Variants in CCDC175 observed in about 807,000 individuals in gnomAD.
CCDC175 encodes coiled-coil domain containing 175.
In CCDC175, 100 loss-of-function variants were observed where a neutral mutation model predicts 114.6. The observed-to-expected ratio is 0.87, with a 90% CI of 0.74 to 1.03. The LOEUF is 1.03. Ranked by LOEUF, CCDC175 falls within the 50% of genes least tolerant of loss-of-function variation. CCDC175 has a pLI of 0.00. For missense variants in CCDC175, 880 were observed against 917.8 expected, an observed-to-expected ratio of 0.96 and a Z score of 0.53; for synonymous variants, 306 against 308.7, an observed-to-expected ratio of 0.99 and a Z score of 0.09.
chr14:59,541,365 A>G (rs1022907932), intron 10 of CCDC175, among the ~76,000 whole-genome samples: 3 of 152,214 alleles, frequency 2.0e-5, no homozygotes, highest in African/African-American at 7.2e-5. Context: ...GAAGATTCCA[A>G]CATAGGTAAC....
intron 8 of CCDC175, among the ~76,000 whole-genome samples, chr14:59,550,007 T>A (rs532433399): frequency 6.6e-6 from 1 of 152,096 alleles, no homozygotes; most frequent in South Asian, 2.1e-4. Flanking sequence ...GTCTCCCAGG[T>A]TCAAGCAATT....
At chr14:59,546,618 T>C (rs1895128257) in intron 8 of CCDC175, among the ~76,000 whole-genome samples, 1 of 152,110 alleles carries the variant, frequency 6.6e-6, no homozygotes, top group African/African-American at 2.4e-5. Flanking sequence ...AGTTTTGGGT[T>C]TTTTTGCATG....
chr14:59,524,178 GT>G (rs1893603974), intron 16 of CCDC175, among the ~76,000 whole-genome samples: 1 of 151,936 alleles, frequency 6.6e-6, no homozygotes, highest in South Asian at 2.1e-4. Context: ...TGTTGTTACT[GT>G]TTTGTCACAG....
chr14:59,514,234 CTG>C (rs1341882886), intron 17 of CCDC175, among the ~76,000 whole-genome samples: 1 of 152,198 alleles, frequency 6.6e-6, no homozygotes, highest in African/African-American at 2.4e-5. Context: ...AGCAGAAAAA[CTG>C]GAAATTCTAA....
chr14:59,553,406 G>A (rs1279086807), intron 7 of CCDC175, among the ~76,000 whole-genome samples: 1 of 152,142 alleles, frequency 6.6e-6, no homozygotes, highest in East Asian at 1.9e-4. Context: ...TTACAGACAA[G>A]CAAATGATGA....
In CCDC175 at chr14:59,538,138, T is replaced by C. The variant is rs1287110436; in HGVS notation, c.1508A>G (p.Gln503Arg). The C allele has an allele frequency of 6.5e-7, 1 of 1,534,940 alleles. No homozygotes were observed. Among genetic ancestry groups the C allele is most frequent in the South Asian group, 1.2e-5 (1 of 83,914 alleles). The change falls in exon 13 of 20, where the codon CAG becomes CGG. Residue 503 changes from glutamine (Q) to arginine (R), a missense_variant. Physicochemically the swap from Gln to Arg is conservative, Grantham distance 43. Transcript: ENST00000537690. ...ELLNETSFRQ[Q>R]EISGFVAQIE... is the part of the protein sequence containing the mutation. The stretch of plus-strand genomic sequence containing the variant: ...CTGTGCCACAAATCCACTGATCTCC[T>C]GTTGTCTGAAACTGGTCTAATTAGA...
intron 8 of CCDC175, among the ~76,000 whole-genome samples, chr14:59,546,760 T>C (rs111407512): frequency 0.012 from 1,900 of 152,132 alleles, 33 homozygotes; most frequent in African/African-American, 0.044. Context: ...TGCTTGAGAC[T>C]GGGAGGTCCG....
intron 13 of CCDC175, among the ~76,000 whole-genome samples, chr14:59,534,172 A>G (rs1367484037): frequency 6.6e-6 from 1 of 151,974 alleles, no homozygotes; most frequent in East Asian, 1.9e-4. Context: ...TCTGAAAGAG[A>G]CTGTGGGGTA....
intron 7 of CCDC175, 54 bp from the exon 8 acceptor site, chr14:59,551,490 A>T (rs1490986708): frequency 9.5e-6 from 9 of 951,784 alleles, no homozygotes; most frequent in African/African-American, 1.7e-5. Flanking sequence ...TTTGAATTCT[A>T]AGGCAAGGTG....
chr14:59,522,341 G>A (rs1310711703), intron 16 of CCDC175, among the ~76,000 whole-genome samples: 1 of 152,204 alleles, frequency 6.6e-6, no homozygotes, highest in African/African-American at 2.4e-5. Flanking sequence ...TACAGATGAG[G>A]TAGACATGGG....
At chr14:59,558,769 G>A (rs1896063964) in intron 7 of CCDC175, among the ~76,000 whole-genome samples, 1 of 152,134 alleles carries the variant, frequency 6.6e-6, no homozygotes, top group Non-Finnish European at 1.5e-5. Context: ...TGCATTTAGA[G>A]CTCAAGTCAT....
chr14:59,538,815 A>G lies in CCDC175; in HGVS notation c.1381T>C (p.Cys461Arg), dbSNP rs1173007244. The stretch of plus-strand genomic sequence containing the variant: ...CAACGTGCATGCTTTTTTCTCAAGC[A>G]AGCCATTTTCCACTGAGTTATAACA... ...RCVITQWKMA[C>R]LRKKHARWTA... Residue 461 changes from cysteine to arginine, a missense_variant, in exon 12 of 20, where the codon TGC becomes CGC. Transcript: ENST00000537690. 6.5e-7 allele frequency: 1 copy of G among 1,536,938 alleles called. No individual in the cohort carries two copies. The highest frequency in any genetic ancestry group is 8.7e-7 in the Non-Finnish European group (1 of 1,146,744).
intron 3 of CCDC175, 106 bp from the exon 4 acceptor site, chr14:59,568,486 T>G (rs948784402): frequency 5.6e-6 from 5 of 898,712 alleles, no homozygotes; most frequent in Non-Finnish European, 7.9e-6. Flanking sequence ...TTTAATAATG[T>G]TTTTTATCAA....
chr14:59,541,352 T>A (rs1268880671), intron 10 of CCDC175, among the ~76,000 whole-genome samples: 1 of 152,174 alleles, frequency 6.6e-6, no homozygotes, highest in Non-Finnish European at 1.5e-5. Flanking sequence ...TGGATGGAAA[T>A]GTGAAGATTC....
intron 19 of CCDC175, among the ~76,000 whole-genome samples, chr14:59,509,003 G>A (rs1267897672): frequency 6.6e-6 from 1 of 152,028 alleles, no homozygotes; most frequent in Non-Finnish European, 1.5e-5. Flanking sequence ...ATTCTCATTT[G>A]GGTGGTCTTT....
intron 8 of CCDC175, among the ~76,000 whole-genome samples, chr14:59,550,121 C>A (rs1418161082): frequency 3.9e-5 from 6 of 152,100 alleles, no homozygotes; most frequent in African/African-American, 1.4e-4. Context: ...ATTGGTCAGG[C>A]TGATCTCAAA....
At chr14:59,505,354 A>G in intron 19 of CCDC175, 39 bp from the exon 20 acceptor site, 1 of 1,140,014 alleles carries the variant, frequency 8.8e-7, no homozygotes, top group Non-Finnish European at 1.2e-6. Context: ...TTTTATTTGT[A>G]TTGCACACAT....
At chr14:59,506,149 T>G (rs743164) in intron 19 of CCDC175, among the ~76,000 whole-genome samples, 59,521 of 151,980 alleles carry the variant, frequency 0.39, 12,454 homozygotes, top group African/African-American at 0.53. Flanking sequence ...TTGTTATATA[T>G]TTGTCTAAAA....
chr14:59,516,324 G>T lies in CCDC175; in HGVS notation c.2099-4521C>A, dbSNP rs139986709. ...GTGAGAAATAACTAAGATCAGAGCA[G>T]AACTGAAGGAAATAGAGACTCAAAA... On this transcript the variant is annotated intron_variant, in intron 17 of 19. Coordinates refer to ENST00000537690, the MANE Select transcript of CCDC175 (RefSeq NM_001164399.2). Among the ~76,000 whole-genome samples the T allele has an allele frequency of 3.9e-3, 595 of 152,214 alleles. 3 individuals are homozygous for T. The highest frequency in any genetic ancestry group is 0.013 in the African/African-American group (558 of 41,512).
Sources: allele counts gnomAD v4.1 joint callset (sites outside exome capture counted in the v4.1 genomes callset), GRCh38; gene constraint gnomAD v4.1.1; transcripts MANE v1.5; gene names NCBI Gene and HGNC (gene_info 2026-07-23, HGNC 2026-07-21).